DLG2: variants seen among roughly 807,000 people sequenced by gnomAD.
The protein encoded by DLG2 is discs large MAGUK scaffold protein 2.
A neutral mutation model predicts 132.5 loss-of-function variants in DLG2; 45 were observed. The observed-to-expected ratio is 0.34, with a 90% CI of 0.27 to 0.44. The LOEUF (loss-of-function observed/expected upper bound fraction) is 0.44, where lower values mean the gene tolerates loss of function less well. DLG2 is among the 20% of genes least tolerant of loss of function. The pLI, the probability that DLG2 is intolerant of heterozygous loss-of-function variation, is 1.00. For missense variants in DLG2, 1,045 were observed against 1,196.9 expected, an observed-to-expected ratio of 0.87 and a Z score of 1.87; for synonymous variants, 424 against 419.6, an observed-to-expected ratio of 1.01 and a Z score of -0.13.
intron 6 of DLG2, among the ~76,000 whole-genome samples, chr11:84,868,111 ATAT>A (rs2084896707): frequency 6.8e-6 from 1 of 147,948 alleles, no homozygotes; most frequent in Non-Finnish European, 1.5e-5. Flanking sequence ...ATATTATTAT[ATAT>A]TAATAATTAT....
intron 19 of DLG2, among the ~76,000 whole-genome samples, chr11:83,585,197 C>A (rs1442940864): frequency 6.6e-6 from 1 of 152,056 alleles, no homozygotes; most frequent in Non-Finnish European, 1.5e-5. Flanking sequence ...AGTAAAGAAT[C>A]AAGTAAGATC....
chr11:84,389,182 AG>A (rs1245628529), intron 7 of DLG2, among the ~76,000 whole-genome samples: 4 of 152,100 alleles, frequency 2.6e-5, no homozygotes, highest in Admixed American at 6.6e-5. Context: ...TCCAATATAA[AG>A]GGTATTTCAT....
chr11:83,514,699 G>A (rs1325252760), intron 21 of DLG2, among the ~76,000 whole-genome samples: 8 of 152,042 alleles, frequency 5.3e-5, no homozygotes, highest in African/African-American at 1.2e-4. Flanking sequence ...TTTGAGATAC[G>A]GCCCATCAAT....
At chr11:85,407,725 A>T (rs1253368200) in intron 3 of DLG2, among the ~76,000 whole-genome samples, 1 of 151,820 alleles carries the variant, frequency 6.6e-6, no homozygotes. Flanking sequence ...TGGGAAAGAG[A>T]CTACAACACA....
At chr11:85,085,317 A>G (rs1315198818) in intron 6 of DLG2, among the ~76,000 whole-genome samples, 1 of 152,114 alleles carries the variant, frequency 6.6e-6, no homozygotes, top group Non-Finnish European at 1.5e-5. Context: ...AGTCTTAGAT[A>G]TATAGAAACT....
At chr11:84,387,659 G>A (rs2098776306) in intron 7 of DLG2, among the ~76,000 whole-genome samples, 1 of 152,218 alleles carries the variant, frequency 6.6e-6, no homozygotes, top group Non-Finnish European at 1.5e-5. Context: ...AAGATCAAAT[G>A]TTAGAGTTAC....
At chr11:85,339,704 A>G (rs1220806989) in intron 3 of DLG2, among the ~76,000 whole-genome samples, 1 of 152,280 alleles carries the variant, frequency 6.6e-6, no homozygotes, top group Admixed American at 6.5e-5. Flanking sequence ...TTTGTCCCTC[A>G]GTCTTTAAGA....
intron 6 of DLG2, among the ~76,000 whole-genome samples, chr11:84,754,344 G>A (rs937097364): frequency 6.6e-5 from 10 of 151,966 alleles, no homozygotes; most frequent in African/African-American, 2.2e-4. Flanking sequence ...GAACTTACCC[G>A]CCTTATTCTG....
chr11:83,677,955 G>A (rs376631662), intron 18 of DLG2, among the ~76,000 whole-genome samples: 122 of 152,282 alleles, frequency 8.0e-4, no homozygotes, highest in African/African-American at 2.8e-3. Flanking sequence ...CCACTTGGAT[G>A]CTTCAGGCAG....
intron 6 of DLG2, among the ~76,000 whole-genome samples, chr11:84,665,394 TC>T (rs765929522): frequency 1.8e-4 from 27 of 152,284 alleles, no homozygotes; most frequent in South Asian, 1.2e-3. Context: ...GAACTTAGAC[TC>T]TGGCTTCAGA....
At chr11:83,661,870 A>T (rs540358075) in intron 18 of DLG2, among the ~76,000 whole-genome samples, 1 of 152,354 alleles carries the variant, frequency 6.6e-6, no homozygotes, top group South Asian at 2.1e-4. Context: ...GCATCAGGAC[A>T]GAGCGAATGA....
chr11:84,253,926 T>C (rs1598424847), intron 7 of DLG2, among the ~76,000 whole-genome samples: 1 of 152,130 alleles, frequency 6.6e-6, no homozygotes, highest in Admixed American at 6.6e-5. Flanking sequence ...TAGAGTACCA[T>C]ACAAGAACTA....
chr11:83,848,367 T>C lies in DLG2; in HGVS notation c.1566-14597A>G, dbSNP rs149231270. On this transcript the variant is annotated intron_variant, in intron 16 of 27. Coordinates refer to ENST00000376104, the MANE Select transcript of DLG2 (RefSeq NM_001142699.3). Reference sequence around the variant, plus strand: ...ATAGGTGGTCTTATCCTTTGCTATATTGATAATCCACTAATTCATATCTCT... The same window carrying C: ...ATAGGTGGTCTTATCCTTTGCTATACTGATAATCCACTAATTCATATCTCT... Among the ~76,000 whole-genome samples, 746 of 152,330 alleles carry C rather than the reference T, an allele frequency of 4.9e-3. 4 individuals carry two copies. Among genetic ancestry groups the C allele is most frequent in the Admixed American group, 9.1e-3 (140 of 15,302 alleles).
intron 6 of DLG2, among the ~76,000 whole-genome samples, chr11:84,728,321 G>T (rs1216301485): frequency 6.6e-6 from 1 of 152,088 alleles, no homozygotes; most frequent in Non-Finnish European, 1.5e-5. Context: ...TTTTGTCAAA[G>T]GTCTTTTCTG....
chr11:85,082,675 C>A (rs1210854821), intron 6 of DLG2, among the ~76,000 whole-genome samples: 1 of 145,232 alleles, frequency 6.9e-6, no homozygotes, highest in Non-Finnish European at 1.5e-5. Flanking sequence ...ATTAAAAAAA[C>A]AATTTTTTTG....
In DLG2 at chr11:83,633,030, T is replaced by C. The variant is rs772758670; in HGVS notation, c.1940+181A>G. The stretch of plus-strand genomic sequence containing the variant: ...CTTGATAAAAGCAGGCACCTTTAAC[T>C]AATTTAATCTAATAACATTTCAAAC... On this transcript the variant is annotated intron_variant, in intron 19 of 27. Transcript: ENST00000376104. The C allele has an allele frequency of 2.3e-4, 129 of 568,548 alleles. 1 individual carries two copies. Among genetic ancestry groups the C allele is most frequent in the Middle Eastern group, 3.3e-4 (1 of 3,002 alleles). The allele number at this position is 568,548 out of a possible 1,614,324, so 35.2% of individuals were successfully genotyped here.
intron 6 of DLG2, among the ~76,000 whole-genome samples, chr11:85,097,166 T>C (rs1350231507): frequency 6.6e-6 from 1 of 152,226 alleles, no homozygotes; most frequent in African/African-American, 2.4e-5. Flanking sequence ...GTTCCACTTC[T>C]AAAAACCACT....
chr11:83,965,753 T>C (rs1474673370), intron 12 of DLG2, among the ~76,000 whole-genome samples: 5 of 151,992 alleles, frequency 3.3e-5, no homozygotes, highest in Non-Finnish European at 7.4e-5. Context: ...TTTTTTGTTA[T>C]GCTATAGTTT....
intron 9 of DLG2, among the ~76,000 whole-genome samples, chr11:84,151,387 C>T (rs886267024): frequency 1.3e-5 from 2 of 152,070 alleles, no homozygotes; most frequent in Admixed American, 1.3e-4. Flanking sequence ...TCTGTGGGAT[C>T]AGTTGTGATG....
Sources: allele counts gnomAD v4.1 joint callset (sites outside exome capture counted in the v4.1 genomes callset), GRCh38; gene constraint gnomAD v4.1.1; transcripts MANE v1.5; gene names NCBI Gene and HGNC (gene_info 2026-07-23, HGNC 2026-07-21).